The following MEIS2 variants were observed in gnomAD, a reference collection of about 807,000 sequenced individuals.
The protein encoded by MEIS2 is homeobox protein Meis2.
MEIS2 carries 9 observed loss-of-function variants against 58.6 expected under a neutral mutation model. The observed-to-expected ratio is 0.15, with a 90% confidence interval of 0.09 to 0.27. MEIS2 has a LOEUF of 0.27. Ranked by LOEUF, MEIS2 falls within the 10% of genes least tolerant of loss-of-function variation. MEIS2 has a pLI of 1.00. For synonymous variants in MEIS2, 221 were observed against 228.4 expected (o/e 0.97, Z 0.29); for missense variants, 427 against 635.0 (o/e 0.67, Z 3.52).
At chr15:36,911,667 G>A (rs551354323) in intron 9 of MEIS2, among the ~76,000 whole-genome samples, 83 of 152,240 alleles carry the variant, frequency 5.5e-4, no homozygotes, top group African/African-American at 1.9e-3. Flanking sequence ...TCGCTGTCCC[G>A]AGATGAGGTC....
chr15:36,905,199 C>T (rs1408180694), intron 9 of MEIS2, among the ~76,000 whole-genome samples: 1 of 150,972 alleles, frequency 6.6e-6, no homozygotes, highest in East Asian at 1.9e-4. Flanking sequence ...TACATACAGA[C>T]AGAGTTACCA....
At chr15:37,101,282 TG>T (rs1259507184), upstream of MEIS2, 1 of 149,650 alleles carries the variant, frequency 6.7e-6, no homozygotes, top group African/African-American at 2.5e-5. Context: ...GGCAGTCATC[TG>T]GGTCCGATGT....
intron 9 of MEIS2, among the ~76,000 whole-genome samples, chr15:36,917,322 G>A (rs1000239061): frequency 6.6e-6 from 1 of 152,124 alleles, no homozygotes; most frequent in Non-Finnish European, 1.5e-5. Flanking sequence ...TTCTAAGGAA[G>A]AATATAGAAA....
intron 8 of MEIS2, among the ~76,000 whole-genome samples, chr15:36,966,014 A>G (rs928894013): frequency 1.3e-5 from 2 of 152,254 alleles, no homozygotes; most frequent in Non-Finnish European, 2.9e-5. Context: ...GAGAAACTCT[A>G]TTATATCACA....
chr15:36,939,792 T>C (rs1403109311), intron 9 of MEIS2, among the ~76,000 whole-genome samples: 1 of 152,222 alleles, frequency 6.6e-6, no homozygotes, highest in Non-Finnish European at 1.5e-5. Context: ...TTTTCTGTTG[T>C]AATGGGATTT....
At chr15:37,063,686 A>G (rs894350077) in intron 7 of MEIS2, among the ~76,000 whole-genome samples, 2 of 152,186 alleles carry the variant, frequency 1.3e-5, no homozygotes, top group African/African-American at 2.4e-5. Flanking sequence ...CTGTCTATCA[A>G]TGGTAATAAT....
intron 7 of MEIS2, among the ~76,000 whole-genome samples, chr15:37,058,331 G>GTAAT (rs1888726173): frequency 6.6e-6 from 1 of 152,176 alleles, no homozygotes; most frequent in Non-Finnish European, 1.5e-5. Flanking sequence ...CACAGGGTGG[G>GTAAT]AGTAATAGTA....
chr15:36,906,362 C>T (rs1035337632), intron 9 of MEIS2, among the ~76,000 whole-genome samples: 4 of 151,838 alleles, frequency 2.6e-5, no homozygotes, highest in South Asian at 2.1e-4. Flanking sequence ...GGAAACAAAA[C>T]GAGCTCTGAT....
At chr15:36,892,512 ACTTTACCCATCAAAGATG>A in intron 11 of MEIS2, 53 bp from the exon 12 acceptor site, 1 of 1,380,776 alleles carries the variant, frequency 7.2e-7, no homozygotes. Context: ...ACATTTTTAT[ACTTTACCCATCAAAGATG>A]AAAAGAAAAA....
chr15:37,075,154 C>A (rs1891233901), intron 7 of MEIS2, among the ~76,000 whole-genome samples: 1 of 151,938 alleles, frequency 6.6e-6, no homozygotes, highest in Non-Finnish European at 1.5e-5. Context: ...CCACACCAAG[C>A]AATTTTCCAC....
intron 7 of MEIS2, among the ~76,000 whole-genome samples, chr15:37,071,519 A>G (rs1890707229): frequency 6.6e-6 from 1 of 152,030 alleles, no homozygotes; most frequent in Non-Finnish European, 1.5e-5. Context: ...TGTTTGTTGC[A>G]TGGGGTCAGT....
intron 9 of MEIS2, among the ~76,000 whole-genome samples, chr15:36,925,474 T>C (rs546104452): frequency 7.9e-5 from 12 of 151,252 alleles, no homozygotes; most frequent in African/African-American, 2.9e-4. Flanking sequence ...GCGGCTGCTT[T>C]GTTTGGATAT....
intron 9 of MEIS2, among the ~76,000 whole-genome samples, chr15:36,902,260 T>C (rs1047585679): frequency 1.3e-5 from 2 of 152,232 alleles, no homozygotes; most frequent in African/African-American, 4.8e-5. Flanking sequence ...TAAACAAATC[T>C]ATGCTGGATT....
chr15:37,093,393 G>A (rs1893796555), intron 6 of MEIS2, among the ~76,000 whole-genome samples, 188 bp downstream of exon 6: 1 of 152,106 alleles, frequency 6.6e-6, no homozygotes, highest in Non-Finnish European at 1.5e-5. Context: ...TAAATAGGAG[G>A]GGGTCCAAGA....
At chr15:36,935,191 T>C (rs1043940494) in intron 9 of MEIS2, among the ~76,000 whole-genome samples, 3 of 151,328 alleles carry the variant, frequency 2.0e-5, no homozygotes, top group African/African-American at 7.3e-5. Flanking sequence ...TTTTTCTTTT[T>C]TTTTTTTTTT....
At chr15:36,943,160 T>C (rs943813371) in intron 9 of MEIS2, among the ~76,000 whole-genome samples, 5 of 152,182 alleles carry the variant, frequency 3.3e-5, no homozygotes, top group African/African-American at 1.2e-4. Context: ...ACTTTTTTCC[T>C]GTTTAAAAAT....
intron 9 of MEIS2, among the ~76,000 whole-genome samples, chr15:36,918,279 G>A (rs2057361429): frequency 6.6e-6 from 1 of 152,162 alleles, no homozygotes; most frequent in Admixed American, 6.5e-5. Context: ...TGGAAATCTG[G>A]GTTTGAACTC....
chr15:37,009,862 A>C (rs960582864), intron 8 of MEIS2, among the ~76,000 whole-genome samples: 1 of 152,256 alleles, frequency 6.6e-6, no homozygotes. Context: ...AGATACACAG[A>C]GTAAATATGG....
At chr15:37,084,387 T>C (rs948618516) in intron 6 of MEIS2, among the ~76,000 whole-genome samples, 1 of 152,168 alleles carries the variant, frequency 6.6e-6, no homozygotes, top group African/African-American at 2.4e-5. Context: ...GCCCTTGACA[T>C]CTTTCAAATG....
Sources: gnomAD v4.1 joint callset for allele counts (sites outside exome capture counted in the v4.1 genomes callset) on GRCh38, gnomAD v4.1.1 for gene constraint, MANE v1.5 for transcripts, NCBI Gene and HGNC (gene_info 2026-07-23, HGNC 2026-07-21) for gene names.